The following CACNB2 variants were observed in gnomAD, a reference collection of about 807,000 sequenced individuals.
The protein encoded by CACNB2 is voltage-dependent L-type calcium channel subunit beta-2.
CACNB2 carries 42 observed loss-of-function variants against 73.3 expected under a neutral mutation model. The ratio of observed to expected loss-of-function variants is 0.57; its 90% CI spans 0.45 to 0.74. The LOEUF (loss-of-function observed/expected upper bound fraction) is 0.74. CACNB2 is among the 30% of genes least tolerant of loss of function. The pLI is 0.00. For missense variants in CACNB2, 940 were observed against 853.0 expected (o/e 1.10, Z -1.27); for synonymous variants, 348 against 310.3 (o/e 1.12, Z -1.28).
intron 2 of CACNB2, chr10:18,400,969 A>G: frequency 1.2e-6 from 2 of 1,612,242 alleles, no homozygotes; most frequent in Non-Finnish European, 8.5e-7. Flanking sequence ...TCCGGGGCTC[A>G]GCGCGCACTG....
intron 2 of CACNB2, among the ~76,000 whole-genome samples, chr10:18,372,025 C>A (rs1404181420): frequency 1.3e-5 from 2 of 152,120 alleles, no homozygotes; most frequent in Admixed American, 6.6e-5. Flanking sequence ...CTGTTCATAT[C>A]CTTCGCCCAC....
chr10:18,206,368 C>T (rs1339421123), intron 2 of CACNB2: 1 of 152,554 alleles, frequency 6.6e-6, no homozygotes, highest in East Asian at 1.9e-4. Context: ...TCCCTGACTT[C>T]CTCTCTCCAG....
chr10:18,495,591 G>GTGTATA (rs768160446), intron 3 of CACNB2, among the ~76,000 whole-genome samples: 8 of 138,724 alleles, frequency 5.8e-5, no homozygotes, highest in East Asian at 2.1e-4. Flanking sequence ...GTGTGTGTGT[G>GTGTATA]TATAAGAGAT....
rs1041995103 is a variant in CACNB2 at position 18,255,297 on chromosome 10, G to A, written c.213+104322G>A. Among the ~76,000 whole-genome samples, 3 of 152,070 alleles carry A rather than the reference G, an allele frequency of 2.0e-5. No individual in the cohort carries two copies. In the East Asian group the frequency reaches 5.8e-4, roughly 29 times the overall value. On this transcript the variant is annotated intron_variant, in intron 2 of 13. Transcript: ENST00000324631. ...AGCTGGGCCTTCTCCCTTCTACCAC[G>A]TAGAGCTTCCCTCTCCCTGCCTTTA...
At chr10:18,433,009 G>A (rs2045964785) in intron 3 of CACNB2, among the ~76,000 whole-genome samples, 1 of 151,880 alleles carries the variant, frequency 6.6e-6, no homozygotes, top group Non-Finnish European at 1.5e-5. Flanking sequence ...CCCAAATATC[G>A]CTTCCCTTTG....
chr10:18,539,918 C>T lies in CACNB2; in HGVS notation c.*194C>T. On this transcript the variant is annotated 3_prime_UTR_variant, in exon 14 of 14. Coordinates refer to ENST00000324631, the MANE Select transcript of CACNB2 (RefSeq NM_201596.3). ...GATACTTTTTCTTTTGTAAGTGCTACATAAATTGGCCTGGTATGGCTGCAG... is the reference window on the plus strand; with the variant it reads ...GATACTTTTTCTTTTGTAAGTGCTATATAAATTGGCCTGGTATGGCTGCAG... The T allele has an allele frequency of 1.5e-6, 1 of 650,272 alleles. No individual in the cohort carries two copies. Among genetic ancestry groups the T allele is most frequent in the Non-Finnish European group, 2.5e-6 (1 of 398,970 alleles). The allele number at this position is 650,272 out of a possible 1,614,324, so 40.3% of individuals were successfully genotyped here.
chr10:18,370,983 T>C (rs1269953165), intron 2 of CACNB2, among the ~76,000 whole-genome samples: 2 of 152,170 alleles, frequency 1.3e-5, no homozygotes, highest in Non-Finnish European at 2.9e-5. Context: ...TCACAAAGAT[T>C]CCAGAAAAAG....
At chr10:18,495,600 A>G (rs2049761953) in intron 3 of CACNB2, among the ~76,000 whole-genome samples, 1 of 132,956 alleles carries the variant, frequency 7.5e-6, no homozygotes, top group African/African-American at 3.1e-5. Flanking sequence ...TGTATAAGAG[A>G]TGAGGTCTCA....
intron 2 of CACNB2, among the ~76,000 whole-genome samples, chr10:18,283,754 C>A (rs1268165154): frequency 6.6e-6 from 1 of 151,964 alleles, no homozygotes; most frequent in Non-Finnish European, 1.5e-5. Context: ...ACCAACATGG[C>A]ATATGTATAC....
chr10:18,449,775 A>C (rs2046927079), intron 3 of CACNB2, among the ~76,000 whole-genome samples: 1 of 152,198 alleles, frequency 6.6e-6, no homozygotes, highest in Non-Finnish European at 1.5e-5. Flanking sequence ...AGGAACCCGG[A>C]GCATATCCCA....
At chr10:18,210,451 T>G (rs1218551615) in intron 2 of CACNB2, among the ~76,000 whole-genome samples, 2 of 152,084 alleles carry the variant, frequency 1.3e-5, no homozygotes, top group African/African-American at 4.8e-5. Context: ...CCCATAGGCC[T>G]TAGAAGCTGG....
intron 2 of CACNB2, among the ~76,000 whole-genome samples, chr10:18,258,329 A>G (rs2037371014): frequency 6.6e-6 from 1 of 152,170 alleles, no homozygotes; most frequent in South Asian, 2.1e-4. Flanking sequence ...GGGATAGATC[A>G]TTTCCCCAGT....
chr10:18,205,314 T>C (rs888756558), intron 2 of CACNB2, among the ~76,000 whole-genome samples: 6 of 152,316 alleles, frequency 3.9e-5, no homozygotes, highest in African/African-American at 1.4e-4. Flanking sequence ...ACCTAACTCA[T>C]ATAGTTATTG....
In CACNB2 at chr10:18,540,271, G is replaced by T; in HGVS notation, c.*547G>T. 6.4e-6 allele frequency: 1 copy of T among 156,330 alleles called. No individual in the cohort carries two copies. Among genetic ancestry groups the T allele is most frequent in the Non-Finnish European group, 1.4e-5 (1 of 70,578 alleles). 9.7% of individuals were successfully genotyped at this position (156,330 alleles called of 1,614,324 possible). A position where few individuals can be genotyped will look rare whatever the true frequency, so the allele number is the denominator to read the frequency against. On this transcript the variant is annotated 3_prime_UTR_variant, in exon 14 of 14. Coordinates refer to ENST00000324631, the MANE Select transcript of CACNB2 (RefSeq NM_201596.3). ...TCTATTTTCTATGTACTAGTACTGT[G>T]TACTGTATAGACAGTTTGTAAATGT...
Position 18,534,086 on chromosome 10 carries a change from G to C in CACNB2, c.1065G>C (p.Gln355His). Residue 355 changes from glutamine to histidine, a missense_variant, in exon 11 of 14, where the codon CAG becomes CAC. Transcript: ENST00000324631. ...TTTCGCCCTTTACAGCGGAAGTTCA[G>C]AGTGAAATCGAAAGGATTTTTGAAC... is the stretch of plus-strand genomic sequence containing the variant. ...SNTRSSLAEV[Q>H]SEIERIFELA... The C allele has an allele frequency of 6.2e-7, 1 of 1,614,088 alleles. No individual in the cohort carries two copies. Among genetic ancestry groups the C allele is most frequent in the Non-Finnish European group, 8.5e-7 (1 of 1,179,964 alleles).
intron 7 of CACNB2, 84 bp from the exon 8 acceptor site, chr10:18,518,252 G>C: frequency 1.1e-6 from 1 of 896,438 alleles, no homozygotes; most frequent in East Asian, 2.4e-5. Flanking sequence ...TCATATTATG[G>C]AGTTCAGAAA....
intron 2 of CACNB2, among the ~76,000 whole-genome samples, chr10:18,255,524 G>A (rs1205472183): frequency 6.6e-6 from 1 of 152,140 alleles, no homozygotes; most frequent in Non-Finnish European, 1.5e-5. Flanking sequence ...TGGACTTTAA[G>A]CTCCTTGAAG....
At chr10:18,425,044 A>G (rs1289590046) in intron 3 of CACNB2, among the ~76,000 whole-genome samples, 1 of 152,182 alleles carries the variant, frequency 6.6e-6, no homozygotes, top group African/African-American at 2.4e-5. Context: ...GTTTGCCTTC[A>G]TTTACACTCA....
chr10:18,215,513 T>G (rs2035476890), intron 2 of CACNB2, among the ~76,000 whole-genome samples: 1 of 152,206 alleles, frequency 6.6e-6, no homozygotes, highest in South Asian at 2.1e-4. Context: ...AAGCCCAGCC[T>G]TTGTTTCTAA....
Sources: gnomAD v4.1 joint callset for allele counts (sites outside exome capture counted in the v4.1 genomes callset) on GRCh38, gnomAD v4.1.1 for gene constraint, MANE v1.5 for transcripts, NCBI Gene and HGNC (gene_info 2026-07-23, HGNC 2026-07-21) for gene names.